NCOA1: variants seen among roughly 807,000 people sequenced by gnomAD.
The protein encoded by NCOA1 is nuclear receptor coactivator 1.
NCOA1 carries 35 observed loss-of-function variants against 150.9 expected under a neutral mutation model. The observed-to-expected ratio is 0.23, with a 90% CI of 0.18 to 0.31. The LOEUF (loss-of-function observed/expected upper bound fraction) is 0.31. Ranked by LOEUF, NCOA1 falls within the 10% of genes least tolerant of loss-of-function variation. The pLI is 1.00. For missense variants in NCOA1, 1,491 were observed against 1,749.3 expected, an observed-to-expected ratio of 0.85 and a Z score of 2.63; for synonymous variants, 590 against 630.0, an observed-to-expected ratio of 0.94 and a Z score of 0.95.
chr2:24,617,840 C>A (rs1668940955), intron 3 of NCOA1, among the ~76,000 whole-genome samples: 1 of 152,090 alleles, frequency 6.6e-6, no homozygotes, highest in Non-Finnish European at 1.5e-5. Flanking sequence ...AATCTGAAGT[C>A]ATAATCACTG....
chr2:24,585,933 A>G (rs1430804373), intron 3 of NCOA1, among the ~76,000 whole-genome samples: 2 of 152,182 alleles, frequency 1.3e-5, no homozygotes, highest in African/African-American at 4.8e-5. Flanking sequence ...TCATCAAATT[A>G]AAAAGTAAAC....
chr2:24,638,123 C>A (rs190639560), intron 3 of NCOA1, among the ~76,000 whole-genome samples: 6 of 151,912 alleles, frequency 3.9e-5, no homozygotes, highest in African/African-American at 1.2e-4. Context: ...TCCCTCTTCC[C>A]CCTACCCTTC....
At chr2:24,672,146 G>T (rs1259211556) in intron 6 of NCOA1, among the ~76,000 whole-genome samples, 1 of 142,134 alleles carries the variant, frequency 7.0e-6, no homozygotes, top group East Asian at 2.1e-4. Context: ...ACAATATATT[G>T]TTTATGAAAT....
rs778021582 is a variant in NCOA1 at position 24,566,765 on chromosome 2, G to A, written c.-260+2335G>A. Among the ~76,000 whole-genome samples, 122 of 152,200 alleles carry A rather than the reference G, an allele frequency of 8.0e-4. 2 individuals carry two copies. The highest frequency in any genetic ancestry group is 1.8e-4 in the Non-Finnish European group (12 of 68,032). On this transcript the variant is annotated intron_variant, in intron 2 of 22. Transcript: ENST00000348332. ...AGTCTCTCCTTGTCCTCTCTCACCC[G>A]TGCTCGTTGGCACCCACCCAGCTGG...
intron 10 of NCOA1, among the ~76,000 whole-genome samples, chr2:24,694,627 G>C (rs1672815100): frequency 6.6e-6 from 1 of 152,104 alleles, no homozygotes; most frequent in Non-Finnish European, 1.5e-5. Context: ...ATGGTAAAGA[G>C]AATGTCTCTG....
intron 11 of NCOA1, among the ~76,000 whole-genome samples, chr2:24,700,179 A>ATAG (rs1553308408): frequency 1.3e-4 from 20 of 148,592 alleles, no homozygotes; most frequent in African/African-American, 4.4e-4. Flanking sequence ...AATAATAATA[A>ATAG]TAGTAATAAT....
intron 1 of NCOA1, among the ~76,000 whole-genome samples, chr2:24,540,926 T>A (rs1372710128): frequency 6.6e-6 from 1 of 152,142 alleles, no homozygotes; most frequent in Non-Finnish European, 1.5e-5. Flanking sequence ...CTTGATTGGT[T>A]GAGTGGAGAG....
intron 3 of NCOA1, among the ~76,000 whole-genome samples, chr2:24,613,167 T>C (rs1668706414): frequency 6.6e-6 from 1 of 152,214 alleles, no homozygotes; most frequent in African/African-American, 2.4e-5. Context: ...TTGGCTTTGC[T>C]TCTATAGCCT....
chr2:24,723,979 C>T (rs1156637291), intron 14 of NCOA1, among the ~76,000 whole-genome samples: 2 of 152,132 alleles, frequency 1.3e-5, no homozygotes, highest in African/African-American at 2.4e-5. Context: ...TAAGAAAATG[C>T]TTTCTACTTG....
intron 12 of NCOA1, among the ~76,000 whole-genome samples, chr2:24,705,980 T>C (rs1219032772): frequency 6.6e-6 from 1 of 152,148 alleles, no homozygotes; most frequent in African/African-American, 2.4e-5. Flanking sequence ...TGCTTGTGAG[T>C]GGAATTAGCA....
intron 1 of NCOA1, among the ~76,000 whole-genome samples, chr2:24,550,720 G>A (rs76602174): frequency 7.9e-5 from 12 of 152,166 alleles, no homozygotes; most frequent in Admixed American, 7.2e-4. Flanking sequence ...AACAAGGGAA[G>A]GGAGCTGGAT....
In NCOA1 at chr2:24,686,073, C is replaced by T. The variant is rs150238411; in HGVS notation, c.532+2945C>T. Reference sequence around the variant, plus strand: ...CTGGAGTGCGATGGCATGATCTCAGCTCACTGCAACCTCCGCCTCCTGGGT... The same window carrying T: ...CTGGAGTGCGATGGCATGATCTCAGTTCACTGCAACCTCCGCCTCCTGGGT... On this transcript the variant is annotated intron_variant, in intron 8 of 22. Transcript: ENST00000348332. Among the ~76,000 whole-genome samples the T allele has an allele frequency of 4.9e-3, 751 of 152,298 alleles. 3 individuals carry two copies. Among genetic ancestry groups the T allele is most frequent in the Non-Finnish European group, 4.7e-3 (317 of 68,030 alleles).
intron 1 of NCOA1, among the ~76,000 whole-genome samples, chr2:24,551,590 GT>G (rs1298285303): frequency 6.6e-6 from 1 of 152,122 alleles, no homozygotes; most frequent in African/African-American, 2.4e-5. Flanking sequence ...TAAATAAAAT[GT>G]TATTTGAATA....
intron 8 of NCOA1, among the ~76,000 whole-genome samples, chr2:24,685,207 T>C (rs746631819): frequency 5.3e-5 from 8 of 152,132 alleles, no homozygotes; most frequent in Non-Finnish European, 1.2e-4. Flanking sequence ...AGAAAAAAGT[T>C]AAAGTCAAAC....
intron 4 of NCOA1, among the ~76,000 whole-genome samples, chr2:24,654,608 CT>C (rs1482158277): frequency 1.3e-5 from 2 of 152,176 alleles, no homozygotes; most frequent in African/African-American, 4.8e-5. Context: ...CAGAGGAAGT[CT>C]TAGAATAAAA....
chr2:24,667,447 G>A lies in NCOA1; in HGVS notation c.256+1532G>A, dbSNP rs577042206. ...ATGTGAACAAAAAGCCAGGTATTGG[G>A]GGAAAGCCTGTAATATAAAAGAGAG... On this transcript the variant is annotated intron_variant, in intron 6 of 22. Coordinates refer to ENST00000348332, the MANE Select transcript of NCOA1 (RefSeq NM_003743.5). Among the ~76,000 whole-genome samples the A allele has an allele frequency of 2.0e-5, 3 of 152,140 alleles. No homozygotes were observed. The East Asian group carries it at 5.8e-4, about 29-fold the overall frequency.
intron 17 of NCOA1, among the ~76,000 whole-genome samples, chr2:24,735,236 T>C (rs1663236351): frequency 6.6e-6 from 1 of 152,172 alleles, no homozygotes; most frequent in African/African-American, 2.4e-5. Flanking sequence ...AAGAAGATGT[T>C]TCCAACCCCA....
At chr2:24,691,974 C>A (rs55719977) in intron 9 of NCOA1, among the ~76,000 whole-genome samples, 4,959 of 152,216 alleles carry the variant, frequency 0.033, 102 homozygotes, top group Middle Eastern at 0.061. Flanking sequence ...TGGAAATGTA[C>A]CAGATGCAGC....
At chr2:24,558,508 A>T (rs1666169430) in intron 1 of NCOA1, among the ~76,000 whole-genome samples, 1 of 151,946 alleles carries the variant, frequency 6.6e-6, no homozygotes, top group African/African-American at 2.4e-5. Flanking sequence ...ATCAGATCTC[A>T]TGAGACTTAT....
Sources: allele counts gnomAD v4.1 joint callset (sites outside exome capture counted in the v4.1 genomes callset), GRCh38; gene constraint gnomAD v4.1.1; transcripts MANE v1.5; gene names NCBI Gene and HGNC (gene_info 2026-07-23, HGNC 2026-07-21).